CLK4: variants seen among roughly 807,000 people sequenced by gnomAD.
CLK4 encodes CDC like kinase 4.
Under a neutral mutation model 64.4 loss-of-function variants are expected in CLK4, and 37 were observed. That is an observed-to-expected ratio of 0.57 (90% CI 0.44 to 0.76). The LOEUF is 0.76. CLK4 is among the 30% of genes least tolerant of loss of function. The probability of loss-of-function intolerance (pLI) is 0.00; values close to 1 mark genes in which losing one functional copy is unlikely to be tolerated. For synonymous variants in CLK4, 175 were observed against 191.6 expected, an observed-to-expected ratio of 0.91 and a Z score of 0.72; for missense variants, 457 against 605.1, an observed-to-expected ratio of 0.76 and a Z score of 2.57.
At chr5:178,619,890 T>C in intron 2 of CLK4, 3 of 856,290 alleles carry the variant, frequency 3.5e-6, no homozygotes, top group Non-Finnish European at 5.1e-6. Flanking sequence ...GGGATGCACA[T>C]GGAGCACTGA....
Position 178,618,726 on chromosome 5 carries a change from A to T in CLK4, c.214T>A (p.Tyr72Asn). The T allele has an allele frequency of 6.2e-7, 1 of 1,613,942 alleles. No homozygotes were observed. The highest frequency in any genetic ancestry group is 8.5e-7 in the Non-Finnish European group (1 of 1,179,886). The change falls in exon 3 of 13, where the codon TAC becomes AAC. Residue 72 changes from tyrosine to asparagine, a missense_variant. By Grantham distance (143) the Tyr-to-Asn change is moderately radical. Coordinates refer to ENST00000316308, the MANE Select transcript of CLK4 (RefSeq NM_020666.3). ...TAGTCATTCCTGTATTCGTCAACGT[A>T]TCTCCGGTCCCGATAATCTCGCTCA... is the stretch of plus-strand genomic sequence containing the variant. Reference protein sequence around the residue: ...LNERDYRDRRYVDEYRNDYCE... With the variant: ...LNERDYRDRRNVDEYRNDYCE...
chr5:178,623,192 A>G lies in CLK4; in HGVS notation c.161+64T>C. On this transcript the variant is annotated intron_variant, in intron 2 of 12. Transcript: ENST00000316308. ...CAATTTGACAGATGAAAGCTATATAAGCAAATGACAAATCATTTAAAACTA... is the reference window on the plus strand; with the variant it reads ...CAATTTGACAGATGAAAGCTATATAGGCAAATGACAAATCATTTAAAACTA... 2.1e-6 allele frequency: 3 copies of G among 1,414,088 alleles called. No homozygotes were observed. In the South Asian group the frequency reaches 3.6e-5, roughly 17 times the overall value. 87.6% of individuals were successfully genotyped at this position (1,414,088 alleles called of 1,614,324 possible).
At chr5:178,622,310 A>C (rs1764718523) in intron 2 of CLK4, 1 of 406,862 alleles carries the variant, frequency 2.5e-6, no homozygotes, top group Non-Finnish European at 3.3e-6. Flanking sequence ...ATGCGTATGA[A>C]GCATGATTTG....
rs765982430 is a variant in CLK4, at chr5:178,603,941, A to G, written c.1215-7T>C. On this transcript the variant is annotated splice_polypyrimidine_tract_variant and splice_region_variant and intron_variant, in intron 11 of 12. Coordinates refer to ENST00000316308, the MANE Select transcript of CLK4 (RefSeq NM_020666.3). The stretch of plus-strand genomic sequence containing the variant: ...GTGAAAATACTTGCGTTTTCTACAG[A>G]AAAAAAAAAAAAGTCTGGATTAGTA... The G allele has an allele frequency of 3.5e-5, 31 of 886,898 alleles. No homozygotes were observed. Among genetic ancestry groups the G allele is most frequent in the African/African-American group, 1.3e-4 (7 of 55,988 alleles). 54.9% of individuals were successfully genotyped at this position (886,898 alleles called of 1,614,324 possible).
chr5:178,604,995 T>A (rs146231454), intron 11 of CLK4: 1 of 165,666 alleles, frequency 6.0e-6, no homozygotes. Context: ...CCAGGCATAG[T>A]GGTGGGCACC....
At chr5:178,616,978 G>A (rs945617100) in intron 4 of CLK4, 30 bp from the exon 5 acceptor site, 52 of 1,430,328 alleles carry the variant, frequency 3.6e-5, no homozygotes, top group Non-Finnish European at 5.1e-5. Context: ...AGAGGTGTAA[G>A]TACCTGAGTA....
intron 11 of CLK4, 137 bp from the exon 12 acceptor site, chr5:178,604,071 A>T (rs184312858): frequency 1.4e-5 from 8 of 565,582 alleles, no homozygotes; most frequent in South Asian, 2.8e-5. Context: ...TACAATTTTT[A>T]AAAACCTCAG....
chr5:178,625,961 C>T (rs1468063879), intron 1 of CLK4, among the ~76,000 whole-genome samples: 2 of 152,322 alleles, frequency 1.3e-5, no homozygotes, highest in Non-Finnish European at 1.5e-5. Context: ...GACACTGCCT[C>T]TAATAAAGCA....
At position 178,613,575 on chromosome 5, in the gene CLK4, G is replaced by GT; in HGVS notation, c.723dup (p.Leu242ThrfsTer4). 6.2e-7 allele frequency: 1 copy of GT among 1,612,630 alleles called. No homozygotes were observed. The highest frequency in any genetic ancestry group is 8.5e-7 in the Non-Finnish European group (1 of 1,179,576). ...ATGAAATCGTAAGTACTAAGTCCCA[G>GT]TAGTTCAAACACAATACAAACATGA... On this transcript the variant is annotated frameshift_variant, in exon 7 of 13. Transcript: ENST00000316308. LOFTEE classifies it high-confidence loss of function.
Position 178,623,360 on chromosome 5 carries a change from TC to T in CLK4, c.56del (p.Gly19AspfsTer39). 1 of 1,614,086 alleles carries T rather than the reference TC, an allele frequency of 6.2e-7. No individual in the cohort carries two copies. The highest frequency in any genetic ancestry group is 8.5e-7 in the Non-Finnish European group (1 of 1,179,988). On this transcript the variant is annotated frameshift_variant, in exon 2 of 13. Transcript: ENST00000316308. LOFTEE classifies it high-confidence loss of function. Reference sequence around the variant, plus strand: ...TGTGACTTCCACGATAGCTTTCATGTCCCCAGCTTTCTCTGCTATCCCAATC... The same window carrying T: ...TGTGACTTCCACGATAGCTTTCATGTCCCAGCTTTCTCTGCTATCCCAATC... Reference protein sequence around the residue: ...CPDWDSRESWGHESYRGSHKR... With the variant: ...CPDWDSRESWXHESYRGSHKR...
rs1373624440 is a variant in CLK4, at chr5:178,612,511, A to G, written c.956T>C (p.Ile319Thr). 1.9e-6 allele frequency: 3 copies of G among 1,613,964 alleles called. No homozygotes were observed. Among genetic ancestry groups the G allele is most frequent in the African/African-American group, 2.7e-5 (2 of 74,930 alleles). ...RDERTLKNTD[I>T]KVVDFGSATY... is the part of the protein sequence containing the mutation. ...TGCACTTCCAAAGTCAACAACTTTG[A>G]TATCTGTGTTTTTCAGTGTGCGTTC... is the stretch of plus-strand genomic sequence containing the variant. Residue 319 changes from isoleucine to threonine, a missense_variant, in exon 9 of 13, where the codon ATC becomes ACC. Physicochemically the swap from Ile to Thr is moderately conservative, Grantham distance 89. Coordinates refer to ENST00000316308, the MANE Select transcript of CLK4 (RefSeq NM_020666.3).
At chr5:178,609,842 G>C (rs1042601061) in intron 9 of CLK4, among the ~76,000 whole-genome samples, 1 of 151,284 alleles carries the variant, frequency 6.6e-6, no homozygotes, top group African/African-American at 2.4e-5. Flanking sequence ...CCGGGAGGCA[G>C]AGGTTGCAGT....
chr5:178,623,485 A>G, intron 1 of CLK4, 69 bp from the exon 2 acceptor site: 1 of 1,260,512 alleles, frequency 7.9e-7, no homozygotes, highest in East Asian at 2.9e-5. Flanking sequence ...TTATATATTA[A>G]TATTATTTAA....
At chr5:178,626,883 C>G (rs1252356096) in intron 1 of CLK4, 63 bp downstream of exon 1, 2 of 152,838 alleles carry the variant, frequency 1.3e-5, no homozygotes, top group Non-Finnish European at 2.9e-5. Context: ...TTCTCCGACA[C>G]CTGGCTCGGA....
At chr5:178,609,198 T>C (rs1470238155) in intron 9 of CLK4, among the ~76,000 whole-genome samples, 1 of 152,228 alleles carries the variant, frequency 6.6e-6, no homozygotes, top group Non-Finnish European at 1.5e-5. Flanking sequence ...ATAGATATTT[T>C]AATATTTCAA....
chr5:178,613,361 C>T, intron 7 of CLK4, 112 bp downstream of exon 7: 1 of 680,748 alleles, frequency 1.5e-6, no homozygotes, highest in East Asian at 3.8e-5. Context: ...GCTGAGCTTG[C>T]TGGGACCCGA....
chr5:178,609,136 C>T (rs1303862575), intron 9 of CLK4, among the ~76,000 whole-genome samples: 2 of 152,132 alleles, frequency 1.3e-5, no homozygotes, highest in African/African-American at 4.8e-5. Flanking sequence ...CAGAATAAAA[C>T]ATCTAGCCTT....
chr5:178,610,227 T>C (rs1465911026), intron 9 of CLK4, among the ~76,000 whole-genome samples: 1 of 151,992 alleles, frequency 6.6e-6, no homozygotes, highest in Non-Finnish European at 1.5e-5. Context: ...GAGGCAGAAG[T>C]TGCAGTGAGC....
intron 7 of CLK4, 101 bp from the exon 8 acceptor site, chr5:178,612,991 TTC>T: frequency 1.8e-6 from 1 of 552,724 alleles, no homozygotes; most frequent in Non-Finnish European, 3.3e-6. Context: ...CAAGAGACGA[TTC>T]ATCTTTACTT....
Sources: allele counts gnomAD v4.1 joint callset (sites outside exome capture counted in the v4.1 genomes callset), GRCh38; gene constraint gnomAD v4.1.1; transcripts MANE v1.5; gene names NCBI Gene and HGNC (gene_info 2026-07-23, HGNC 2026-07-21).